The following PDE1C variants were observed in gnomAD, a reference collection of about 807,000 sequenced individuals.
PDE1C encodes phosphodiesterase 1C, also known as dual specificity calcium/calmodulin-dependent 3',5'-cyclic nucleotide phosphodiesterase 1C.
PDE1C carries 62 observed loss-of-function variants against 93.1 expected under a neutral mutation model. That is an observed-to-expected ratio of 0.67 (90% CI 0.54 to 0.82). PDE1C has a LOEUF of 0.82. Ranked by LOEUF, PDE1C falls within the 40% of genes least tolerant of loss-of-function variation. The probability of loss-of-function intolerance (pLI) is 0.00; values close to 1 mark genes in which losing one functional copy is unlikely to be tolerated. For synonymous variants in PDE1C, 325 were observed against 310.1 expected (o/e 1.05, Z -0.50); for missense variants, 742 against 884.6 (o/e 0.84, Z 2.04).
chr7:32,133,184 C>G (rs763884436), intron 3 of PDE1C, among the ~76,000 whole-genome samples: 1 of 152,068 alleles, frequency 6.6e-6, no homozygotes, highest in Admixed American at 6.6e-5. Context: ...ATATATACAG[C>G]GTTTAAAGAC....
In PDE1C at chr7:31,966,925, C is replaced by A. The variant is rs1372926081; in HGVS notation, c.128+84629G>T. On this transcript the variant is annotated intron_variant, in intron 2 of 17. Coordinates refer to ENST00000396191, the MANE Select transcript of PDE1C (RefSeq NM_001191057.4). Reference sequence around the variant, plus strand: ...TTTGAAACCAATGAGAACAAAGACACAACATACCAGAATCTCTGGGACACA... The same window carrying A: ...TTTGAAACCAATGAGAACAAAGACAAAACATACCAGAATCTCTGGGACACA... 5.3e-5 allele frequency among the ~76,000 whole-genome samples: 8 copies of A among 152,104 alleles called. No individual in the cohort carries two copies. In the East Asian group the frequency reaches 1.5e-3, roughly 29 times the overall value.
intron 1 of PDE1C, among the ~76,000 whole-genome samples, chr7:32,388,061 A>G (rs796675841): frequency 4.4e-4 from 67 of 152,316 alleles, no homozygotes; most frequent in African/African-American, 1.3e-3. Context: ...TAAGTTCTTC[A>G]TGGCTATTGT....
intron 1 of PDE1C, among the ~76,000 whole-genome samples, chr7:32,340,523 C>T (rs1005827104): frequency 7.9e-5 from 12 of 151,960 alleles, no homozygotes; most frequent in South Asian, 2.1e-4. Context: ...GAAACACACG[C>T]GAAGGAATTT....
At chr7:31,911,693 A>C (rs1801268278) in intron 2 of PDE1C, among the ~76,000 whole-genome samples, 1 of 152,174 alleles carries the variant, frequency 6.6e-6, no homozygotes, top group Non-Finnish European at 1.5e-5. Context: ...ATTTCACTGA[A>C]AACTGTCACC....
the PDE1C span, among the ~76,000 whole-genome samples, chr7:31,728,901 G>T: frequency 6.6e-6 from 1 of 152,164 alleles, no homozygotes; most frequent in Non-Finnish European, 1.5e-5. Context: ...TACAAAGAGG[G>T]GTGGAAGTGA....
chr7:32,210,097 A>G (rs1805888266), intron 1 of PDE1C, among the ~76,000 whole-genome samples: 1 of 152,210 alleles, frequency 6.6e-6, no homozygotes, highest in Non-Finnish European at 1.5e-5. Flanking sequence ...TGCCCTAGAA[A>G]CCTTACCCCT....
intron 2 of PDE1C, among the ~76,000 whole-genome samples, chr7:32,207,533 T>C (rs1805675403): frequency 1.3e-5 from 2 of 152,158 alleles, no homozygotes; most frequent in African/African-American, 4.8e-5. Flanking sequence ...AATCTTTCCC[T>C]CTCTAGACTA....
At chr7:32,138,491 T>G (rs1188361080) in intron 3 of PDE1C, among the ~76,000 whole-genome samples, 1 of 152,082 alleles carries the variant, frequency 6.6e-6, no homozygotes, top group Non-Finnish European at 1.5e-5. Flanking sequence ...TTTTTTACTG[T>G]TTGAATTTAG....
At position 31,880,869 on chromosome 7, in the gene PDE1C, A is replaced by G. The variant is rs774292963; in HGVS notation, c.129-9T>C. 3.4e-6 allele frequency: 5 copies of G among 1,451,594 alleles called. No homozygotes were observed. In the South Asian group the frequency reaches 5.7e-5, roughly 17 times the overall value. 89.9% of individuals were successfully genotyped at this position (1,451,594 alleles called of 1,614,324 possible). A position where few individuals can be genotyped will look rare whatever the true frequency, so the allele number is the denominator to read the frequency against. ...TGACCAAAGACCGTAATCTAGAAAA[A>G]TAAAAAGACATAATTTCATTAGAAT... On this transcript the variant is annotated splice_polypyrimidine_tract_variant and intron_variant, in intron 2 of 17. Transcript: ENST00000396191.
chr7:32,054,543 G>A (rs1032881990), intron 1 of PDE1C, among the ~76,000 whole-genome samples: 12 of 152,164 alleles, frequency 7.9e-5, no homozygotes, highest in Admixed American at 5.9e-4. Context: ...GGGCATGCAC[G>A]TTAACTGGCA....
chr7:32,088,455 C>T lies in PDE1C; in HGVS notation c.308+81330G>A, dbSNP rs377250889. Among the ~76,000 whole-genome samples the T allele has an allele frequency of 3.9e-5, 6 of 152,362 alleles. No individual in the cohort carries two copies. In the East Asian group the frequency reaches 5.8e-4, roughly 15 times the overall value. On this transcript the variant is annotated intron_variant, in intron 3 of 18. Transcript: ENST00000396193. The stretch of plus-strand genomic sequence containing the variant: ...GGCTGAGCCCACCTCGCTTGGCAAC[C>T]GCAAGTATTTGGGGCCGGGCCTTTC...
chr7:31,938,153 G>A (rs1174163858), intron 2 of PDE1C, among the ~76,000 whole-genome samples: 1 of 151,748 alleles, frequency 6.6e-6, no homozygotes, highest in Non-Finnish European at 1.5e-5. Context: ...ACAATCTAGG[G>A]CCTACTGTAG....
chr7:32,362,729 C>T (rs542950648), intron 1 of PDE1C, among the ~76,000 whole-genome samples: 4 of 152,314 alleles, frequency 2.6e-5, no homozygotes, highest in East Asian at 3.9e-4. Context: ...GCAGATGTCA[C>T]GGTGAGAAAG....
the PDE1C span, among the ~76,000 whole-genome samples, chr7:31,672,683 C>T: frequency 3.3e-5 from 5 of 152,222 alleles, no homozygotes; most frequent in African/African-American, 9.6e-5. Context: ...CTGAGACCAT[C>T]CATTCAGAGC....
At chr7:31,686,520 G>T in the PDE1C span, among the ~76,000 whole-genome samples, 1 of 152,158 alleles carries the variant, frequency 6.6e-6, no homozygotes, top group African/African-American at 2.4e-5. Flanking sequence ...TGTTTGAAAT[G>T]CTCTCTTTGC....
At chr7:31,626,814 C>T in the PDE1C span, among the ~76,000 whole-genome samples, 1 of 152,200 alleles carries the variant, frequency 6.6e-6, no homozygotes, top group African/African-American at 2.4e-5. Flanking sequence ...AGCAGAGGCA[C>T]AGTCTTAGTC....
intron 2 of PDE1C, among the ~76,000 whole-genome samples, chr7:31,969,264 G>A (rs1810534867): frequency 1.3e-5 from 2 of 151,794 alleles, no homozygotes; most frequent in South Asian, 2.1e-4. Context: ...CTAATATCCA[G>A]AATCTACAAT....
intron 5 of PDE1C, among the ~76,000 whole-genome samples, chr7:31,875,286 TA>T (rs1360622605): frequency 2.0e-5 from 3 of 152,154 alleles, no homozygotes; most frequent in Non-Finnish European, 4.4e-5. Flanking sequence ...ATTATCATGA[TA>T]AAAAGCCAAG....
rs556112827 is a variant in PDE1C at position 32,387,872 on chromosome 7, C to G, written c.310+39950G>C. On this transcript the variant is annotated intron_variant, in intron 1 of 1. Transcript: ENST00000672256. Reference sequence around the variant, plus strand: ...GGGCAGGGGGCTGACCCCCCTCCCCCCTCCCGGACGGGGCGGCTGAGGACA... The same window carrying G: ...GGGCAGGGGGCTGACCCCCCTCCCCGCTCCCGGACGGGGCGGCTGAGGACA... 7.1e-5 allele frequency among the ~76,000 whole-genome samples: 9 copies of G among 126,132 alleles called. No homozygotes were observed. In the East Asian group the frequency reaches 1.0e-3, roughly 14 times the overall value. The allele number at this position is 126,132 out of a possible 152,430, so 82.7% of individuals were successfully genotyped here. A position where few individuals can be genotyped will look rare whatever the true frequency, so the allele number is the denominator to read the frequency against.
Sources: gnomAD v4.1 joint callset for allele counts (sites outside exome capture counted in the v4.1 genomes callset) on GRCh38, gnomAD v4.1.1 for gene constraint, MANE v1.5 for transcripts, NCBI Gene and HGNC (gene_info 2026-07-23, HGNC 2026-07-21) for gene names.